The following CLASP2 variants were observed in gnomAD, a reference collection of about 807,000 sequenced individuals.
CLASP2 encodes CLIP-associating protein 2.
CLASP2 carries 47 observed loss-of-function variants against 194.4 expected under a neutral mutation model. The ratio of observed to expected loss-of-function variants is 0.24; its 90% CI spans 0.19 to 0.31. CLASP2 has a LOEUF of 0.31. Among genes scored for constraint, CLASP2 ranks in the 10% least tolerant of loss-of-function variants. CLASP2 has a pLI of 1.00. For synonymous variants in CLASP2, 619 were observed against 633.5 expected, an observed-to-expected ratio of 0.98 and a Z score of 0.34; for missense variants, 1,445 against 1,823.6, an observed-to-expected ratio of 0.79 and a Z score of 3.78.
chr3:33,499,749 G>A (rs948015610), intron 38 of CLASP2, among the ~76,000 whole-genome samples: 16 of 152,086 alleles, frequency 1.1e-4, no homozygotes, highest in African/African-American at 3.6e-4. Context: ...TTGAGTACTA[G>A]GTGTTACACG....
At chr3:33,585,469 A>G (rs1278562651) in intron 21 of CLASP2, among the ~76,000 whole-genome samples, 1 of 152,218 alleles carries the variant, frequency 6.6e-6, no homozygotes, top group East Asian at 1.9e-4. Context: ...CCTATACAGT[A>G]TGCCATTAAC....
chr3:33,604,313 C>A, intron 16 of CLASP2, 104 bp from the exon 17 acceptor site: 82 of 677,074 alleles, frequency 1.2e-4, no homozygotes, highest in Non-Finnish European at 1.8e-4. Context: ...AGAAGTATTT[C>A]TTTTTTCTTT....
intron 7 of CLASP2, among the ~76,000 whole-genome samples, chr3:33,647,911 T>C (rs1380770743): frequency 6.6e-6 from 1 of 152,022 alleles, no homozygotes. Flanking sequence ...TGGGCGCCTG[T>C]AGCCCCAGCT....
At chr3:33,519,081 T>C (rs902851726) in intron 34 of CLASP2, among the ~76,000 whole-genome samples, 10 of 152,190 alleles carry the variant, frequency 6.6e-5, no homozygotes, top group African/African-American at 2.4e-4. Context: ...TGGTGAGGAC[T>C]TGGGCCTAGA....
intron 27 of CLASP2, among the ~76,000 whole-genome samples, chr3:33,566,384 C>T (rs942418971): frequency 5.9e-5 from 9 of 152,074 alleles, no homozygotes; most frequent in Admixed American, 5.9e-4. Flanking sequence ...AAGCAATCTT[C>T]AATAGAATCA....
At chr3:33,672,335 G>A (rs113135466) in intron 6 of CLASP2, among the ~76,000 whole-genome samples, 2,697 of 152,292 alleles carry the variant, frequency 0.018, 71 homozygotes, top group African/African-American at 0.061. Flanking sequence ...AGGCAAACAG[G>A]GTCTGGAGTG....
At chr3:33,597,756 CTTTTTTTT>C (rs558732745) in intron 18 of CLASP2, among the ~76,000 whole-genome samples, 1 of 137,768 alleles carries the variant, frequency 7.3e-6, no homozygotes, top group African/African-American at 2.7e-5. Flanking sequence ...TCTTTTCTTT[CTTTTTTTT>C]TTTTTTTTAA....
intron 29 of CLASP2, among the ~76,000 whole-genome samples, chr3:33,552,783 T>A (rs1456485484): frequency 3.9e-5 from 6 of 152,214 alleles, no homozygotes; most frequent in Non-Finnish European, 8.8e-5. Context: ...ATGGTCTTCA[T>A]GTTGTCTGTT....
At chr3:33,683,376 G>A (rs905998175) in intron 6 of CLASP2, 1 of 152,248 alleles carries the variant, frequency 6.6e-6, no homozygotes, top group Non-Finnish European at 1.5e-5. Flanking sequence ...GGGAGACTGA[G>A]GCGGGAGGAC....
At chr3:33,511,514 A>T (rs895490277) in intron 36 of CLASP2, among the ~76,000 whole-genome samples, 1 of 152,158 alleles carries the variant, frequency 6.6e-6, no homozygotes, top group Admixed American at 6.6e-5. Context: ...TTAATGAGAA[A>T]TAAAATATAA....
At chr3:33,687,269 A>C in intron 4 of CLASP2, 134 bp from the exon 5 acceptor site, 1 of 579,196 alleles carries the variant, frequency 1.7e-6, no homozygotes, top group African/African-American at 1.9e-5. Context: ...TTAAAACATG[A>C]AGGATATGAG....
At chr3:33,648,708 C>G (rs1015209945) in intron 7 of CLASP2, among the ~76,000 whole-genome samples, 1 of 152,042 alleles carries the variant, frequency 6.6e-6, no homozygotes, top group African/African-American at 2.4e-5. Context: ...TTCTAAATAA[C>G]TATGAAATAT....
intron 9 of CLASP2, among the ~76,000 whole-genome samples, chr3:33,628,098 A>T (rs1474321656): frequency 6.6e-6 from 1 of 152,174 alleles, no homozygotes; most frequent in Admixed American, 6.6e-5. Context: ...AAACCGCCTT[A>T]CATCTTTCAC....
chr3:33,563,902 C>T (rs2062198656), intron 27 of CLASP2: 2 of 456,144 alleles, frequency 4.4e-6, no homozygotes, highest in Non-Finnish European at 8.8e-6. Context: ...GAACACACCT[C>T]ATATATCCAC....
At chr3:33,654,843 T>C (rs1397432624) in intron 7 of CLASP2, among the ~76,000 whole-genome samples, 1 of 152,146 alleles carries the variant, frequency 6.6e-6, no homozygotes, top group Non-Finnish European at 1.5e-5. Context: ...CAAAGTTTAA[T>C]AGAGGCCATG....
At chr3:33,688,485 CTG>C (rs1478302798) in intron 3 of CLASP2, 117 bp from the exon 4 acceptor site, 61 of 768,768 alleles carry the variant, frequency 7.9e-5, no homozygotes, top group Non-Finnish European at 1.2e-4. Context: ...TTTCATCAGA[CTG>C]TTGTTCATTT....
chr3:33,573,081 T>C (rs1191678882), intron 25 of CLASP2, 29 bp downstream of exon 25: 1 of 1,611,426 alleles, frequency 6.2e-7, no homozygotes, highest in South Asian at 1.1e-5. Context: ...AACCTGATAG[T>C]AAAATCATTT....
chr3:33,544,790 T>C lies in CLASP2; in HGVS notation c.3205A>G (p.Thr1069Ala). ...SLFELNTPEF[T>A]MLLGALPKTF... The stretch of plus-strand genomic sequence containing the variant: ...TTTGGTAAAGCTCCTAATAACATTG[T>C]AAACTCTGGGGTATTGAGTTCAAAT... The change falls in exon 31 of 39, where the codon ACA (threonine) becomes GCA (alanine). Residue 1069 changes from threonine to alanine, a missense_variant. Coordinates refer to ENST00000682230, the MANE Select transcript of CLASP2 (RefSeq NM_001365631.1). 1 of 1,613,420 alleles carries C rather than the reference T, an allele frequency of 6.2e-7. No homozygotes were observed. Among genetic ancestry groups the C allele is most frequent in the Non-Finnish European group, 8.5e-7 (1 of 1,179,570 alleles).
At chr3:33,659,327 G>A (rs963595053) in intron 7 of CLASP2, 1 of 1,134,604 alleles carries the variant, frequency 8.8e-7, no homozygotes, top group African/African-American at 1.6e-5. Flanking sequence ...AAAGCTCTGA[G>A]AGCCAATAAA....
Sources: gnomAD v4.1 joint callset for allele counts (sites outside exome capture counted in the v4.1 genomes callset) on GRCh38, gnomAD v4.1.1 for gene constraint, MANE v1.5 for transcripts, NCBI Gene and HGNC (gene_info 2026-07-23, HGNC 2026-07-21) for gene names.